KIR3DL2: variants seen among roughly 807,000 people sequenced by gnomAD.
The protein encoded by KIR3DL2 is killer cell immunoglobulin like receptor, three Ig domains and long cytoplasmic tail 2, also known as killer cell immunoglobulin-like receptor 3DL2.
In KIR3DL2, 42 loss-of-function variants were observed where a neutral mutation model predicts 41.6. The ratio of observed to expected loss-of-function variants is 1.01; its 90% CI spans 0.79 to 1.31. The LOEUF is 1.31. KIR3DL2 is among the 50% of genes most tolerant of loss of function. The probability of loss-of-function intolerance (pLI) is 0.00; values close to 1 mark genes in which losing one functional copy is unlikely to be tolerated. For missense variants in KIR3DL2, 728 were observed against 576.8 expected (o/e 1.26, Z -2.68); for synonymous variants, 230 against 221.3 (o/e 1.04, Z -0.35).
rs2065472412 is a variant in KIR3DL2, at chr19:54,865,867, C to A, written c.1063C>A (p.Leu355Ile). ...TSVVIFLFIL[L>I]LFFLLYRWCS... ...AGTGGTCATCTTCCTCTTCATCCTC[C>A]TCCTCTTCTTTCTCCTTTATCGCTG... The change falls in exon 7 of 9, where the codon CTC (leucine) becomes ATC (isoleucine). Residue 355 changes from leucine to isoleucine, a missense_variant. Leu to Ile is a conservative substitution (Grantham distance 5, BLOSUM62 2). Transcript: ENST00000326321. 6.2e-7 allele frequency: 1 copy of A among 1,613,816 alleles called. No individual in the cohort carries two copies. Among genetic ancestry groups the A allele is most frequent in the African/African-American group, 1.3e-5 (1 of 75,044 alleles).
Position 54,866,423 on chromosome 19 carries a change from G to T in KIR3DL2, c.1158+1G>T. On this transcript the variant is annotated splice_donor_variant, in intron 8 of 8. Coordinates refer to ENST00000326321, the MANE Select transcript of KIR3DL2 (RefSeq NM_006737.4). LOFTEE classifies it high-confidence loss of function. The stretch of plus-strand genomic sequence containing the variant: ...GGGGGACAGAACAGTGAATAGGCAG[G>T]TAGGTCCTCCTCGGCCCAGCCTCAC... The T allele has an allele frequency of 6.2e-7, 1 of 1,613,974 alleles. No individual in the cohort carries two copies. The highest frequency in any genetic ancestry group is 8.5e-7 in the Non-Finnish European group (1 of 1,179,960).
chr19:54,865,875 C>G lies in KIR3DL2; in HGVS notation c.1071C>G (p.Phe357Leu). The G allele has an allele frequency of 4.3e-6, 7 of 1,613,742 alleles. No homozygotes were observed. Among genetic ancestry groups the G allele is most frequent in the Non-Finnish European group, 5.9e-6 (7 of 1,179,776 alleles). ...TCTTCCTCTTCATCCTCCTCCTCTT[C>G]TTTCTCCTTTATCGCTGGTGCTCCA... ...VVIFLFILLL[F>L]FLLYRWCSNK... Residue 357 changes from phenylalanine to leucine, a missense_variant, in exon 7 of 9, where the codon TTC becomes TTG. Phe to Leu is a conservative substitution (Grantham distance 22, BLOSUM62 0). Transcript: ENST00000326321.
intron 6 of KIR3DL2, 38 bp downstream of exon 6, chr19:54,859,167 C>A (rs1436589828): frequency 6.8e-5 from 107 of 1,582,684 alleles, no homozygotes; most frequent in Middle Eastern, 1.7e-4. Flanking sequence ...CTTTTGGAAA[C>A]CTGGGGAGGT....
Position 54,851,121 on chromosome 19 carries a change from C to T in KIR3DL2, c.35-99C>T, listed in dbSNP as rs1232413404. 17 of 1,471,480 alleles carry T rather than the reference C, an allele frequency of 1.2e-5. No individual in the cohort carries two copies. In the Middle Eastern group the frequency reaches 7.1e-4, roughly 61 times the overall value. The allele number at this position is 1,471,480 out of a possible 1,614,324, so 91.2% of individuals were successfully genotyped here. On this transcript the variant is annotated intron_variant, in intron 1 of 8. Coordinates refer to ENST00000326321, the MANE Select transcript of KIR3DL2 (RefSeq NM_006737.4). ...AGGGAGGCTAAGTTTACCTTCAGCC[C>T]AGCAAGGGCCTGGCTGCCAAGACAC... is the stretch of plus-strand genomic sequence containing the variant.
At chr19:54,857,202 G>A (rs1339584020) in intron 5 of KIR3DL2, among the ~76,000 whole-genome samples, 1 of 151,082 alleles carries the variant, frequency 6.6e-6, no homozygotes, top group Non-Finnish European at 1.5e-5. Flanking sequence ...CGATTCTCCT[G>A]ACTCAGCCTC....
intron 6 of KIR3DL2, among the ~76,000 whole-genome samples, chr19:54,863,247 G>T (rs1356246929): frequency 6.6e-6 from 1 of 151,696 alleles, no homozygotes; most frequent in Non-Finnish European, 1.5e-5. Context: ...TCTTCATCCA[G>T]TCTATCATTG....
intron 6 of KIR3DL2, among the ~76,000 whole-genome samples, chr19:54,864,176 G>A (rs1415486456): frequency 6.6e-6 from 1 of 151,982 alleles, no homozygotes; most frequent in South Asian, 2.1e-4. Flanking sequence ...TAGATATGTG[G>A]CATTATTTCT....
At chr19:54,858,731 C>T (rs2064970247) in intron 5 of KIR3DL2, among the ~76,000 whole-genome samples, 1 of 151,242 alleles carries the variant, frequency 6.6e-6, no homozygotes, top group African/African-American at 2.4e-5. Flanking sequence ...CTATCACACA[C>T]ACACAAAAGA....
chr19:54,856,037 G>A, intron 5 of KIR3DL2, 125 bp downstream of exon 5: 1 of 1,240,502 alleles, frequency 8.1e-7, no homozygotes, highest in Non-Finnish European at 1.1e-6. Context: ...GTGTGAGGGG[G>A]GGGTCAGGGT....
Position 54,866,745 on chromosome 19 carries a change from C to T in KIR3DL2, c.*14C>T. ...GGGGTTTTCTAGGGAGACAACAGCCCTGTCTCAAAACCAGGTTGCCAGATC... is the reference window on the plus strand; with the variant it reads ...GGGGTTTTCTAGGGAGACAACAGCCTTGTCTCAAAACCAGGTTGCCAGATC... On this transcript the variant is annotated 3_prime_UTR_variant, in exon 9 of 9. Coordinates refer to ENST00000326321, the MANE Select transcript of KIR3DL2 (RefSeq NM_006737.4). The T allele has an allele frequency of 1.2e-6, 2 of 1,612,688 alleles. No individual in the cohort carries two copies. Among genetic ancestry groups the T allele is most frequent in the South Asian group, 1.1e-5 (1 of 91,014 alleles).
At chr19:54,856,178 C>T (rs368546802) in intron 5 of KIR3DL2, among the ~76,000 whole-genome samples, 2,231 of 150,932 alleles carry the variant, frequency 0.015, 90 homozygotes, top group African/African-American at 0.04. Context: ...AGACTGGGCT[C>T]AGTTTGGGGA....
In KIR3DL2 at chr19:54,866,748, T is replaced by A. The variant is rs1407853195; in HGVS notation, c.*17T>A. 5 of 1,611,850 alleles carry A rather than the reference T, an allele frequency of 3.1e-6. No individual in the cohort carries two copies. The Admixed American group carries it at 8.4e-5, about 27-fold the overall frequency. On this transcript the variant is annotated 3_prime_UTR_variant, in exon 9 of 9. Transcript: ENST00000326321. ...GTTTTCTAGGGAGACAACAGCCCTGTCTCAAAACCAGGTTGCCAGATCCAA... is the reference window on the plus strand; with the variant it reads ...GTTTTCTAGGGAGACAACAGCCCTGACTCAAAACCAGGTTGCCAGATCCAA...
Position 54,854,062 on chromosome 19 carries a change from C to T in KIR3DL2, c.655+16C>T. 6 of 1,610,992 alleles carry T rather than the reference C, an allele frequency of 3.7e-6. No homozygotes were observed. The highest frequency in any genetic ancestry group is 5.1e-6 in the Non-Finnish European group (6 of 1,178,134). ...GTGATCACAGGTGAGAGTGTCCAGA[C>T]ATTCTTCTCATTGTCATTGGGACAC... is the stretch of plus-strand genomic sequence containing the variant. On this transcript the variant is annotated intron_variant, in intron 4 of 8. Transcript: ENST00000326321.
chr19:54,866,111 C>T (rs1030832934), intron 7 of KIR3DL2, among the ~76,000 whole-genome samples: 5 of 152,104 alleles, frequency 3.3e-5, no homozygotes, highest in Admixed American at 2.6e-4. Flanking sequence ...GAACTGTATC[C>T]TCACATCCCC....
intron 6 of KIR3DL2, among the ~76,000 whole-genome samples, chr19:54,861,185 G>A (rs1172287072): frequency 2.7e-5 from 4 of 147,614 alleles, no homozygotes; most frequent in African/African-American, 1.0e-4. Flanking sequence ...ATGTTTGTGA[G>A]GTAGAATCAT....
intron 6 of KIR3DL2, among the ~76,000 whole-genome samples, chr19:54,859,442 G>C (rs150062968): frequency 7.0e-6 from 1 of 143,728 alleles, no homozygotes; most frequent in South Asian, 2.3e-4. Context: ...ATTCCCGGGG[G>C]CTTGAGAGAG....
chr19:54,852,219 T>C lies in KIR3DL2; in HGVS notation c.292T>C (p.Ser98Pro). The C allele has an allele frequency of 6.2e-7, 1 of 1,611,782 alleles. No homozygotes were observed. Among genetic ancestry groups the C allele is most frequent in the Non-Finnish European group, 8.5e-7 (1 of 1,178,898 alleles). ...AHAGTYRCRG[S>P]RPHSLTGWSA... is the part of the protein sequence containing the mutation. ...TGCAGGGACCTACAGATGTCGGGGT[T>C]CACGCCCACACTCCCTCACTGGGTG... Residue 98 changes from serine to proline, a missense_variant, in exon 3 of 9, where the codon TCA becomes CCA. Transcript: ENST00000326321.
chr19:54,860,730 A>G (rs1190283038), intron 6 of KIR3DL2, among the ~76,000 whole-genome samples: 1 of 150,054 alleles, frequency 6.7e-6, no homozygotes, highest in Non-Finnish European at 1.5e-5. Flanking sequence ...GTGACAGAGA[A>G]GTTCTCACTA....
In KIR3DL2 at chr19:54,866,604, C is replaced by T; in HGVS notation, c.1241C>T (p.Pro414Leu). The T allele has an allele frequency of 6.2e-7, 1 of 1,614,010 alleles. No individual in the cohort carries two copies. The highest frequency in any genetic ancestry group is 8.5e-7 in the Non-Finnish European group (1 of 1,179,970). ...TTCATACAGAGAAAAATCAGTCGCC[C>T]TTCTCAGAGGCCCAAGACACCCCTA... Reference protein sequence around the residue: ...CVFIQRKISRPSQRPKTPLTD... With the variant: ...CVFIQRKISRLSQRPKTPLTD... Residue 414 changes from proline to leucine, a missense_variant, in exon 9 of 9, where the codon CCT (proline) becomes CTT (leucine). Transcript: ENST00000326321.
Sources: gnomAD v4.1 joint callset for allele counts (sites outside exome capture counted in the v4.1 genomes callset) on GRCh38, gnomAD v4.1.1 for gene constraint, MANE v1.5 for transcripts, NCBI Gene and HGNC (gene_info 2026-07-23, HGNC 2026-07-21) for gene names.